SYNPO2: variants seen among roughly 807,000 people sequenced by gnomAD.
SYNPO2 encodes the protein synaptopodin-2.
Under a neutral mutation model 85.0 loss-of-function variants are expected in SYNPO2, and 56 were observed. That is an observed-to-expected ratio of 0.66 (90% CI 0.53 to 0.82). The LOEUF (loss-of-function observed/expected upper bound fraction) is 0.82, where lower values mean the gene tolerates loss of function less well. SYNPO2 is among the 40% of genes least tolerant of loss of function. SYNPO2 has a pLI of 0.00. For missense variants in SYNPO2, 1,575 were observed against 1,534.2 expected, an observed-to-expected ratio of 1.03 and a Z score of -0.44; for synonymous variants, 602 against 591.1, an observed-to-expected ratio of 1.02 and a Z score of -0.27.
rs1160727369 is a variant in SYNPO2, at chr4:119,059,987, A to G, written c.*2053A>G. 1.3e-5 allele frequency: 2 copies of G among 152,202 alleles called. No individual in the cohort carries two copies. Among genetic ancestry groups the G allele is most frequent in the African/African-American group, 2.4e-5 (1 of 41,470 alleles). 9.4% of individuals were successfully genotyped at this position (152,202 alleles called of 1,614,324 possible). ...CAGAAATCCCCCACATAAAAGCCTTACTTTGTTCAAAATTTATTATAGTGG... is the reference window on the plus strand; with the variant it reads ...CAGAAATCCCCCACATAAAAGCCTTGCTTTGTTCAAAATTTATTATAGTGG... On this transcript the variant is annotated 3_prime_UTR_variant, in exon 5 of 5. Coordinates refer to ENST00000307142, the MANE Select transcript of SYNPO2 (RefSeq NM_133477.3).
Position 119,031,504 on chromosome 4 carries a change from G to C in SYNPO2, c.2729G>C (p.Ser910Thr). The change falls in exon 4 of 5, where the codon AGT becomes ACT. Residue 910 changes from serine to threonine, a missense_variant. Physicochemically the swap from Ser to Thr is moderately conservative, Grantham distance 58. Around this residue, in one of 3 missense-constraint regions of SYNPO2, gnomAD observed 1,508 missense variants for 1,446.8 expected, o/e 1.04. Coordinates refer to ENST00000307142, the MANE Select transcript of SYNPO2 (RefSeq NM_133477.3). ...AQSPTPSLPA[S>T]WKYSSNVRAP... ...TCTCCCACTCCATCTCTCCCGGCCAGTTGGAAGTACTCCTCCAATGTCCGA... is the reference window on the plus strand; with the variant it reads ...TCTCCCACTCCATCTCTCCCGGCCACTTGGAAGTACTCCTCCAATGTCCGA... 1 of 1,614,096 alleles carries C rather than the reference G, an allele frequency of 6.2e-7. No homozygotes were observed. Among genetic ancestry groups the C allele is most frequent in the Non-Finnish European group, 8.5e-7 (1 of 1,180,020 alleles).
intron 4 of SYNPO2, among the ~76,000 whole-genome samples, chr4:119,044,776 G>A (rs554086029): frequency 4.6e-5 from 7 of 152,304 alleles, no homozygotes; most frequent in Non-Finnish European, 1.0e-4. Flanking sequence ...TTAATCAAAG[G>A]TTCCATTTAA....
chr4:118,956,288 A>G (rs1734872404), intron 1 of SYNPO2, among the ~76,000 whole-genome samples: 1 of 152,188 alleles, frequency 6.6e-6, no homozygotes, highest in African/African-American at 2.4e-5. Context: ...CCAGAAAGTC[A>G]CTAAAACTAG....
chr4:119,007,413 A>C (rs1392521637), intron 1 of SYNPO2, among the ~76,000 whole-genome samples: 1 of 139,112 alleles, frequency 7.2e-6, no homozygotes. Flanking sequence ...AAAAACAAAC[A>C]AAAAAAAAAC....
At chr4:119,016,134 T>A (rs1256714941) in intron 1 of SYNPO2, among the ~76,000 whole-genome samples, 1 of 152,212 alleles carries the variant, frequency 6.6e-6, no homozygotes, top group Non-Finnish European at 1.5e-5. Context: ...AGAGCTTACT[T>A]GTAAGTTCTT....
chr4:118,935,829 A>G (rs981567064), intron 1 of SYNPO2, among the ~76,000 whole-genome samples: 3 of 152,270 alleles, frequency 2.0e-5, no homozygotes, highest in Non-Finnish European at 4.4e-5. Flanking sequence ...AATCACAAGG[A>G]AAACATATTT....
chr4:118,948,401 T>A (rs534779383), intron 1 of SYNPO2, among the ~76,000 whole-genome samples: 1 of 152,356 alleles, frequency 6.6e-6, no homozygotes, highest in African/African-American at 2.4e-5. Context: ...TGTGAAAGAA[T>A]CAATGCCTAT....
intron 1 of SYNPO2, among the ~76,000 whole-genome samples, chr4:119,003,792 C>G (rs1560967560): frequency 1.3e-5 from 2 of 152,106 alleles, no homozygotes; most frequent in Admixed American, 6.6e-5. Flanking sequence ...TGGCAAAGTC[C>G]TAATATCACT....
At chr4:118,992,078 G>A (rs980340130) in intron 1 of SYNPO2, among the ~76,000 whole-genome samples, 1 of 152,188 alleles carries the variant, frequency 6.6e-6, no homozygotes, top group East Asian at 1.9e-4. Flanking sequence ...AGGAAAAAGA[G>A]GGCGGCAGGA....
chr4:119,029,595 T>C (rs1251824216), intron 3 of SYNPO2, among the ~76,000 whole-genome samples: 1 of 152,160 alleles, frequency 6.6e-6, no homozygotes, highest in Non-Finnish European at 1.5e-5. Flanking sequence ...AACAAATGTA[T>C]GAAACATATA....
intron 1 of SYNPO2, among the ~76,000 whole-genome samples, chr4:118,908,063 A>G (rs1424862789): frequency 6.6e-6 from 1 of 152,172 alleles, no homozygotes; most frequent in Admixed American, 6.5e-5. Flanking sequence ...CTAATTTTTA[A>G]CCATTACAGA....
chr4:118,959,042 G>A (rs1230194905), intron 1 of SYNPO2, among the ~76,000 whole-genome samples: 1 of 152,146 alleles, frequency 6.6e-6, no homozygotes, highest in Non-Finnish European at 1.5e-5. Flanking sequence ...TTTAGGATCT[G>A]TTTATTCATC....
At chr4:118,909,904 C>T (rs1313880366) in intron 1 of SYNPO2, among the ~76,000 whole-genome samples, 1 of 152,196 alleles carries the variant, frequency 6.6e-6, no homozygotes, top group Admixed American at 6.5e-5. Flanking sequence ...AATGAGACGA[C>T]ACCGCAGTTG....
chr4:119,020,935 C>A (rs753364750), intron 1 of SYNPO2, among the ~76,000 whole-genome samples: 1 of 151,876 alleles, frequency 6.6e-6, no homozygotes, highest in Non-Finnish European at 1.5e-5. Flanking sequence ...AGGTGAAATT[C>A]TCTTTCTCAT....
chr4:118,877,475 A>C (rs1338845476), intron 1 of SYNPO2, among the ~76,000 whole-genome samples: 1 of 152,232 alleles, frequency 6.6e-6, no homozygotes, highest in Non-Finnish European at 1.5e-5. Context: ...ACAAAGGTCT[A>C]ATAAGAATCT....
intron 1 of SYNPO2, among the ~76,000 whole-genome samples, chr4:118,924,683 T>A (rs1263766059): frequency 1.3e-5 from 2 of 152,188 alleles, no homozygotes; most frequent in Non-Finnish European, 2.9e-5. Context: ...GGCTGTAGAA[T>A]CTCCAAAATG....
chr4:118,947,884 A>G (rs1377716750), intron 1 of SYNPO2, among the ~76,000 whole-genome samples: 2 of 152,202 alleles, frequency 1.3e-5, no homozygotes, highest in Non-Finnish European at 2.9e-5. Context: ...AATAATAATG[A>G]GTAGACTGGA....
chr4:118,980,809 G>T (rs943698150), intron 1 of SYNPO2, among the ~76,000 whole-genome samples: 3 of 151,686 alleles, frequency 2.0e-5, no homozygotes, highest in Non-Finnish European at 4.4e-5. Flanking sequence ...TGCCTCTTAG[G>T]CCTCATCCTG....
rs560970856 is a variant in SYNPO2, at chr4:118,974,990, A to T, written c.106-48440A>T. Among the ~76,000 whole-genome samples the T allele has an allele frequency of 4.1e-4, 63 of 152,318 alleles. 1 individual carries two copies. The highest frequency in any genetic ancestry group is 1.4e-3 in the African/African-American group (60 of 41,570). On this transcript the variant is annotated intron_variant, in intron 1 of 4. Transcript: ENST00000307142. ...GCTTACAAACCAATAATAATTTCTCATCACTACTGGATGAGAGCCAAGTGT... is the reference window on the plus strand; with the variant it reads ...GCTTACAAACCAATAATAATTTCTCTTCACTACTGGATGAGAGCCAAGTGT...
Sources: allele counts gnomAD v4.1 joint callset (sites outside exome capture counted in the v4.1 genomes callset), GRCh38; gene constraint gnomAD v4.1.1; regional missense constraint gnomAD v4.1.1; transcripts MANE v1.5; gene names NCBI Gene and HGNC (gene_info 2026-07-23, HGNC 2026-07-21).